Variants in CASP6 observed in about 807,000 individuals in gnomAD.
CASP6 encodes caspase-6.
In CASP6, 20 loss-of-function variants were observed where a neutral mutation model predicts 31.8. The observed-to-expected ratio is 0.63, with a 90% CI of 0.44 to 0.91. The LOEUF (loss-of-function observed/expected upper bound fraction) is 0.91. Among genes scored for constraint, CASP6 ranks in the 40% least tolerant of loss-of-function variants. CASP6 has a pLI of 0.00. For synonymous variants in CASP6, 130 were observed against 127.8 expected (o/e 1.02, Z -0.12); for missense variants, 328 against 361.1 (o/e 0.91, Z 0.74).
chr4:109,681,969 G>C, the CASP6 span, among the ~76,000 whole-genome samples: 1 of 152,254 alleles, frequency 6.6e-6, no homozygotes, highest in Non-Finnish European at 1.5e-5. Context: ...TCGAATGCCT[G>C]GTTTTATATC....
chr4:109,690,247 A>AAAAC lies in CASP6; in HGVS notation c.643+602_643+603insGTTT, dbSNP rs61007363. Among the ~76,000 whole-genome samples the AAAAC allele has an allele frequency of 7.9e-3, 1,135 of 143,402 alleles. 22 individuals carry two copies. Among genetic ancestry groups the AAAAC allele is most frequent in the African/African-American group, 0.026 (998 of 37,834 alleles). 94.1% of individuals were successfully genotyped at this position (143,402 alleles called of 152,430 possible). A position where few individuals can be genotyped will look rare whatever the true frequency, so the allele number is the denominator to read the frequency against. On this transcript the variant is annotated intron_variant, in intron 6 of 6. Coordinates refer to ENST00000265164, the MANE Select transcript of CASP6 (RefSeq NM_001226.4). ...ACAGAGTGAGACTATAAAAAAAAAA[A>AAAAC]ACGCACGCACGCACGCAATGGCTCA...
intron 1 of CASP6, among the ~76,000 whole-genome samples, chr4:109,699,040 C>T (rs1730338462): frequency 6.6e-6 from 1 of 152,202 alleles, no homozygotes; most frequent in Non-Finnish European, 1.5e-5. Flanking sequence ...CCACTGGCCA[C>T]ATGTGTCTAC....
chr4:109,677,880 G>A, the CASP6 span, among the ~76,000 whole-genome samples: 14 of 146,950 alleles, frequency 9.5e-5, no homozygotes, highest in South Asian at 2.9e-3. Flanking sequence ...GATGTGGCAG[G>A]GTCATAGGAT....
chr4:109,683,430 G>A, the CASP6 span, among the ~76,000 whole-genome samples: 4 of 151,952 alleles, frequency 2.6e-5, no homozygotes, highest in African/African-American at 4.8e-5. Flanking sequence ...TTTTTTTATC[G>A]TTTACCATTT....
intron 5 of CASP6, among the ~76,000 whole-genome samples, chr4:109,691,323 C>T (rs1730049067): frequency 6.6e-6 from 1 of 152,144 alleles, no homozygotes; most frequent in Non-Finnish European, 1.5e-5. Context: ...TAACCACACC[C>T]AGGGCACACG....
At chr4:109,695,214 TA>T (rs559717386) in intron 4 of CASP6, among the ~76,000 whole-genome samples, 5 of 152,158 alleles carry the variant, frequency 3.3e-5, no homozygotes, top group Non-Finnish European at 5.9e-5. Context: ...CTTATTTTTT[TA>T]AAAAAATCCA....
intron 5 of CASP6, among the ~76,000 whole-genome samples, chr4:109,691,270 A>G (rs1452532234): frequency 6.6e-6 from 1 of 152,236 alleles, no homozygotes; most frequent in Non-Finnish European, 1.5e-5. Flanking sequence ...AGAAGGGTAT[A>G]CTGTAGAGGA....
chr4:109,700,727 T>C (rs1453702480), intron 1 of CASP6, among the ~76,000 whole-genome samples: 1 of 152,164 alleles, frequency 6.6e-6, no homozygotes, highest in Admixed American at 6.5e-5. Flanking sequence ...CATCCTGCAG[T>C]ACCAGTTAAT....
chr4:109,682,766 A>G, the CASP6 span: 1 of 1,572,060 alleles, frequency 6.4e-7, no homozygotes, highest in African/African-American at 1.4e-5. Flanking sequence ...ACGGTTGAGT[A>G]TATTTGAAAA....
upstream of CASP6, among the ~76,000 whole-genome samples, chr4:109,706,031 T>A (rs1187191141): frequency 2.1e-3 from 177 of 82,444 alleles, 1 homozygote; most frequent in East Asian, 0.023. Flanking sequence ...TATATATATA[T>A]AATATATATA....
At chr4:109,703,686 A>G (rs5030518), upstream of CASP6, 1,759 of 496,788 alleles carry the variant, frequency 3.5e-3, 6 homozygotes, top group Admixed American at 5.2e-3. Flanking sequence ...TGCCCTGGGG[A>G]CATGCCAGTT....
chr4:109,684,518 A>T (rs781263035), downstream of CASP6: 3 of 1,614,016 alleles, frequency 1.9e-6, no homozygotes, highest in South Asian at 3.3e-5. Context: ...ACTGCTGTCC[A>T]TTCAGGGTGG....
chr4:109,704,008 T>G (rs1415384769), upstream of CASP6, among the ~76,000 whole-genome samples: 1 of 152,206 alleles, frequency 6.6e-6, no homozygotes, highest in Non-Finnish European at 1.5e-5. Context: ...GCAATTGTTT[T>G]GGGGCACCAT....
At chr4:109,706,926 A>G (rs1730632278), upstream of CASP6, among the ~76,000 whole-genome samples, 1 of 152,050 alleles carries the variant, frequency 6.6e-6, no homozygotes, top group Non-Finnish European at 1.5e-5. Context: ...AAAAAAATGA[A>G]GCAAACTTCC....
chr4:109,680,661 A>G, the CASP6 span, among the ~76,000 whole-genome samples: 1 of 152,166 alleles, frequency 6.6e-6, no homozygotes. Flanking sequence ...AGCCTAGACT[A>G]TGGAAGGGGG....
intron 2 of CASP6, 147 bp downstream of exon 2, chr4:109,698,153 T>G (rs1228258696): frequency 1.3e-6 from 1 of 760,438 alleles, no homozygotes; most frequent in Non-Finnish European, 2.1e-6. Context: ...ACAACCTGCC[T>G]ATCTACAAAT....
chr4:109,668,237 G>T, the CASP6 span, among the ~76,000 whole-genome samples: 1 of 152,028 alleles, frequency 6.6e-6, no homozygotes, highest in Non-Finnish European at 1.5e-5. Context: ...GAATGTTGAA[G>T]TCTGTAACTG....
At chr4:109,702,907 A>T (rs1006934534) in intron 1 of CASP6, 12 of 158,810 alleles carry the variant, frequency 7.6e-5, no homozygotes, top group African/African-American at 2.6e-4. Flanking sequence ...TTTCATTATG[A>T]CTCGGCGGAA....
intron 4 of CASP6, among the ~76,000 whole-genome samples, chr4:109,695,634 G>A (rs1407907761): frequency 1.3e-5 from 2 of 151,886 alleles, no homozygotes; most frequent in African/African-American, 4.8e-5. Context: ...CGAGCTACCT[G>A]GGAAGCTGAG....
Sources: gnomAD v4.1 joint callset for allele counts (sites outside exome capture counted in the v4.1 genomes callset) on GRCh38, gnomAD v4.1.1 for gene constraint, MANE v1.5 for transcripts, NCBI Gene and HGNC (gene_info 2026-07-23, HGNC 2026-07-21) for gene names.